FSTL5: variants seen among roughly 807,000 people sequenced by gnomAD.
FSTL5 encodes follistatin like 5.
A neutral mutation model predicts 89.1 loss-of-function variants in FSTL5; 62 were observed. That is an observed-to-expected ratio of 0.70 (90% CI 0.57 to 0.86). The LOEUF (loss-of-function observed/expected upper bound fraction) is 0.86. Ranked by LOEUF, FSTL5 falls within the 40% of genes least tolerant of loss-of-function variation. FSTL5 has a pLI of 0.00. For synonymous variants in FSTL5, 383 were observed against 346.2 expected, an observed-to-expected ratio of 1.11 and a Z score of -1.18; for missense variants, 1,057 against 1,001.6, an observed-to-expected ratio of 1.06 and a Z score of -0.75.
rs376905869 is a variant in FSTL5 at position 161,834,035 on chromosome 4, T to C, written c.410-57961A>G. Among the ~76,000 whole-genome samples the C allele has an allele frequency of 1.2e-4, 18 of 152,134 alleles. No individual in the cohort carries two copies. The East Asian group carries it at 1.7e-3, about 15-fold the overall frequency. ...TTTACACCAATATCCTTGATGAACA[T>C]TGATGCAAAAATCCTCAATAAAATA... On this transcript the variant is annotated intron_variant, in intron 4 of 15. Coordinates refer to ENST00000306100, the MANE Select transcript of FSTL5 (RefSeq NM_020116.5).
chr4:161,881,613 T>G (rs1278518962), intron 4 of FSTL5, among the ~76,000 whole-genome samples: 1 of 152,136 alleles, frequency 6.6e-6, no homozygotes, highest in African/African-American at 2.4e-5. Flanking sequence ...ATTGTCCTGA[T>G]GCTCTACAAA....
intron 3 of FSTL5, among the ~76,000 whole-genome samples, chr4:161,950,550 G>GCA (rs1734864611): frequency 1.3e-5 from 2 of 152,128 alleles, no homozygotes; most frequent in East Asian, 3.9e-4. Context: ...ATCTGCTGTG[G>GCA]CACAGCCTGT....
At chr4:161,771,985 C>G (rs762015737) in intron 5 of FSTL5, among the ~76,000 whole-genome samples, 2 of 152,092 alleles carry the variant, frequency 1.3e-5, no homozygotes, top group Admixed American at 1.3e-4. Context: ...TATAACTGGT[C>G]AGTTCATTTT....
chr4:161,568,334 T>TA (rs1255106931), intron 8 of FSTL5, among the ~76,000 whole-genome samples: 2 of 152,166 alleles, frequency 1.3e-5, no homozygotes, highest in Non-Finnish European at 2.9e-5. Flanking sequence ...TTACAAAGAA[T>TA]AAAGTGCAGT....
intron 6 of FSTL5, among the ~76,000 whole-genome samples, chr4:161,706,041 A>G (rs1376971006): frequency 7.3e-6 from 1 of 137,360 alleles, no homozygotes; most frequent in African/African-American, 2.7e-5. Flanking sequence ...ACTTCTTAAT[A>G]ATAGGTTTAT....
chr4:161,824,944 G>T (rs1247879473), intron 4 of FSTL5, among the ~76,000 whole-genome samples: 1 of 152,120 alleles, frequency 6.6e-6, no homozygotes, highest in Non-Finnish European at 1.5e-5. Flanking sequence ...ATAGAACTGG[G>T]GAGAGTGGGC....
chr4:161,719,686 G>A (rs547999312), intron 6 of FSTL5, among the ~76,000 whole-genome samples: 1 of 151,636 alleles, frequency 6.6e-6, no homozygotes, highest in Non-Finnish European at 1.5e-5. Flanking sequence ...TGGTGTACAA[G>A]TCCTTCACCT....
At chr4:161,793,211 G>A (rs953119394) in intron 4 of FSTL5, among the ~76,000 whole-genome samples, 2 of 152,168 alleles carry the variant, frequency 1.3e-5, no homozygotes, top group Non-Finnish European at 2.9e-5. Flanking sequence ...CAGACCCTGT[G>A]CTCATTCACC....
chr4:161,746,533 T>G (rs1740209758), intron 6 of FSTL5, among the ~76,000 whole-genome samples: 1 of 152,108 alleles, frequency 6.6e-6, no homozygotes, highest in Non-Finnish European at 1.5e-5. Context: ...GCTGTAAAGG[T>G]TCCCACCATG....
At chr4:161,897,047 T>A (rs1733181105) in intron 4 of FSTL5, among the ~76,000 whole-genome samples, 1 of 151,914 alleles carries the variant, frequency 6.6e-6, no homozygotes, top group Admixed American at 6.6e-5. Context: ...CAAGTGATTC[T>A]CCTGTCTCAG....
chr4:161,633,288 CT>C, intron 7 of FSTL5, among the ~76,000 whole-genome samples: 1 of 99,978 alleles, frequency 1.0e-5, no homozygotes, highest in East Asian at 3.1e-4. Flanking sequence ...TAAACTAATT[CT>C]TTTTATTATT....
At chr4:161,667,593 A>T (rs1019784209) in intron 6 of FSTL5, among the ~76,000 whole-genome samples, 9 of 152,112 alleles carry the variant, frequency 5.9e-5, no homozygotes, top group African/African-American at 2.2e-4. Context: ...GACATAGGTA[A>T]AAGAAAATAA....
intron 8 of FSTL5, among the ~76,000 whole-genome samples, chr4:161,568,922 T>A (rs1475075541): frequency 1.3e-5 from 2 of 152,220 alleles, no homozygotes; most frequent in Non-Finnish European, 2.9e-5. Context: ...TTTAGTTATA[T>A]AGAAGGAATC....
chr4:161,511,942 A>G (rs1437570667), intron 10 of FSTL5, among the ~76,000 whole-genome samples: 1 of 152,048 alleles, frequency 6.6e-6, no homozygotes, highest in Non-Finnish European at 1.5e-5. Context: ...GTAGGGGGCT[A>G]GAGAGGTTAT....
At chr4:161,935,693 G>A (rs1230398310) in intron 3 of FSTL5, among the ~76,000 whole-genome samples, 3 of 152,026 alleles carry the variant, frequency 2.0e-5, no homozygotes, top group African/African-American at 4.8e-5. Context: ...TTGCTTCTGA[G>A]AGTCCTTTTT....
Position 161,776,068 on chromosome 4 carries a change from T to C in FSTL5, c.416A>G (p.Lys139Arg). ...HNEDCFFKGDKCKTTEYSKMK... is the reference protein window; with the variant it reads ...HNEDCFFKGDRCKTTEYSKMK... ...CTTGCTGTATTCAGTAGTCTTGCAC[T>C]TATCTCCTGTAACAAAAGAACTAGT... Residue 139 changes from lysine (K) to arginine (R), a missense_variant, in exon 5 of 16, where the codon AAG becomes AGG. Lys to Arg is a conservative substitution (Grantham distance 26, BLOSUM62 2). Transcript: ENST00000306100. 6.8e-7 allele frequency: 1 copy of C among 1,466,734 alleles called. No individual in the cohort carries two copies. Among genetic ancestry groups the C allele is most frequent in the South Asian group, 1.4e-5 (1 of 71,478 alleles). The allele number at this position is 1,466,734 out of a possible 1,614,324, so 90.9% of individuals were successfully genotyped here. A position where few individuals can be genotyped will look rare whatever the true frequency, so the allele number is the denominator to read the frequency against.
At chr4:161,877,661 C>A (rs1189674389) in intron 4 of FSTL5, among the ~76,000 whole-genome samples, 3 of 151,372 alleles carry the variant, frequency 2.0e-5, no homozygotes, top group Non-Finnish European at 4.4e-5. Flanking sequence ...CCCGTTTCTA[C>A]TAAAAATACA....
chr4:161,951,191 C>T lies in FSTL5; in HGVS notation c.161-30539G>A, dbSNP rs985125545. On this transcript the variant is annotated intron_variant, in intron 3 of 15. Coordinates refer to ENST00000306100, the MANE Select transcript of FSTL5 (RefSeq NM_020116.5). ...TTCATCTTCCACCATGATTGTGAGG[C>T]CTCCCCAGCCATGTGGAACTTTGAG... 2.0e-5 allele frequency among the ~76,000 whole-genome samples: 3 copies of T among 152,008 alleles called. No individual in the cohort carries two copies. The East Asian group carries it at 5.8e-4, about 29-fold the overall frequency.
intron 7 of FSTL5, among the ~76,000 whole-genome samples, chr4:161,589,323 C>T (rs1376270746): frequency 6.6e-6 from 1 of 151,920 alleles, no homozygotes; most frequent in African/African-American, 2.4e-5. Flanking sequence ...ACAGGTGCTA[C>T]AGGCTTGTGC....
Sources: allele counts gnomAD v4.1 joint callset (sites outside exome capture counted in the v4.1 genomes callset), GRCh38; gene constraint gnomAD v4.1.1; transcripts MANE v1.5; gene names NCBI Gene and HGNC (gene_info 2026-07-23, HGNC 2026-07-21).